DPP10: variants seen among roughly 807,000 people sequenced by gnomAD.
DPP10 encodes dipeptidyl peptidase like 10, also known as inactive dipeptidyl peptidase 10.
A neutral mutation model predicts 120.9 loss-of-function variants in DPP10; 33 were observed. The ratio of observed to expected loss-of-function variants is 0.27; its 90% confidence interval spans 0.21 to 0.37. The LOEUF is 0.37. DPP10 is among the 10% of genes least tolerant of loss of function. The pLI is 1.00. For synonymous variants in DPP10, 337 were observed against 326.1 expected (o/e 1.03, Z -0.36); for missense variants, 816 against 942.8 (o/e 0.87, Z 1.76).
intron 1 of DPP10, among the ~76,000 whole-genome samples, chr2:114,876,473 C>T (rs1691174036): frequency 6.6e-6 from 1 of 152,034 alleles, no homozygotes; most frequent in African/African-American, 2.4e-5. Context: ...GAACTCTGGC[C>T]CTGCCTTTTA....
intron 1 of DPP10, among the ~76,000 whole-genome samples, chr2:114,673,886 C>T (rs879149168): frequency 1.3e-5 from 2 of 151,984 alleles, no homozygotes; most frequent in Non-Finnish European, 1.5e-5. Context: ...TGTATTAATA[C>T]TGCAACTTAT....
At chr2:114,516,701 G>A (rs1684619127) in intron 1 of DPP10, among the ~76,000 whole-genome samples, 1 of 152,180 alleles carries the variant, frequency 6.6e-6, no homozygotes, top group African/African-American at 2.4e-5. Flanking sequence ...CATACCAAAT[G>A]CAGGCTTCTA....
chr2:115,141,492 G>A (rs2050925048), intron 1 of DPP10, among the ~76,000 whole-genome samples: 1 of 152,190 alleles, frequency 6.6e-6, no homozygotes, highest in Admixed American at 6.5e-5. Context: ...GGCAGGGATA[G>A]AGCATGGAAT....
At chr2:115,167,286 G>A (rs183125840) in intron 1 of DPP10, among the ~76,000 whole-genome samples, 1 of 151,706 alleles carries the variant, frequency 6.6e-6, no homozygotes, top group African/African-American at 2.4e-5. Flanking sequence ...TCTGGGCCTG[G>A]TGCAGTGGCT....
At chr2:115,020,545 T>A (rs1404878262) in intron 1 of DPP10, among the ~76,000 whole-genome samples, 1 of 152,066 alleles carries the variant, frequency 6.6e-6, no homozygotes, top group Non-Finnish European at 1.5e-5. Context: ...ATGAGATATA[T>A]GGCAACACAA....
intron 7 of DPP10, among the ~76,000 whole-genome samples, chr2:115,720,641 T>C (rs2092625115): frequency 6.6e-6 from 1 of 152,080 alleles, no homozygotes; most frequent in African/African-American, 2.4e-5. Flanking sequence ...AAATATAGCA[T>C]GTTGGAGGTT....
chr2:115,630,376 T>C (rs2149314412), intron 5 of DPP10, among the ~76,000 whole-genome samples: 1 of 152,260 alleles, frequency 6.6e-6, no homozygotes, highest in South Asian at 2.1e-4. Flanking sequence ...ACTTCCTCTC[T>C]TCCTACCTGA....
chr2:115,536,303 GA>G (rs1358567370), intron 5 of DPP10, among the ~76,000 whole-genome samples: 2 of 151,744 alleles, frequency 1.3e-5, no homozygotes, highest in African/African-American at 4.8e-5. Context: ...ATTCCACTAT[GA>G]ACATTGTTCC....
intron 3 of DPP10, among the ~76,000 whole-genome samples, chr2:115,408,245 A>C (rs1233942210): frequency 2.0e-5 from 3 of 152,096 alleles, no homozygotes; most frequent in Admixed American, 1.3e-4. Context: ...CAGGAACAGG[A>C]GAGGCCAGGC....
intron 1 of DPP10, among the ~76,000 whole-genome samples, chr2:114,798,398 A>G (rs1395373183): frequency 6.6e-6 from 1 of 152,236 alleles, no homozygotes. Flanking sequence ...AATCTAAAGT[A>G]ATCATACAAT....
intron 1 of DPP10, among the ~76,000 whole-genome samples, chr2:114,678,246 G>A (rs1459696531): frequency 6.6e-6 from 1 of 152,042 alleles, no homozygotes; most frequent in African/African-American, 2.4e-5. Flanking sequence ...ATGTCATTAA[G>A]TCTGTGTTTG....
chr2:115,448,251 G>C (rs569003963), intron 3 of DPP10, among the ~76,000 whole-genome samples: 1 of 152,126 alleles, frequency 6.6e-6, no homozygotes, highest in Non-Finnish European at 1.5e-5. Context: ...ACTCGGGATA[G>C]AGAAAGAAGC....
chr2:115,094,316 C>T (rs1246455904), intron 1 of DPP10, among the ~76,000 whole-genome samples: 2 of 152,104 alleles, frequency 1.3e-5, no homozygotes, highest in Admixed American at 1.3e-4. Flanking sequence ...GGATGTTACG[C>T]AGTTTCTAGT....
At chr2:115,570,161 C>G (rs927755444) in intron 5 of DPP10, among the ~76,000 whole-genome samples, 1 of 152,188 alleles carries the variant, frequency 6.6e-6, no homozygotes, top group African/African-American at 2.4e-5. Flanking sequence ...ACTCTTGTCT[C>G]TCATGCCTGC....
At chr2:115,046,035 T>C (rs368786938) in intron 1 of DPP10, among the ~76,000 whole-genome samples, 1 of 133,152 alleles carries the variant, frequency 7.5e-6, no homozygotes, top group Non-Finnish European at 1.7e-5. Context: ...TGTGTGTGTG[T>C]GTTGCTTAAT....
chr2:114,671,508 C>A (rs957709105), intron 1 of DPP10, among the ~76,000 whole-genome samples: 1 of 152,164 alleles, frequency 6.6e-6, no homozygotes, highest in East Asian at 1.9e-4. Context: ...GAACCATGAG[C>A]CAAATAAACC....
At chr2:114,533,801 A>G (rs953941214) in intron 1 of DPP10, among the ~76,000 whole-genome samples, 1 of 152,098 alleles carries the variant, frequency 6.6e-6, no homozygotes, top group Non-Finnish European at 1.5e-5. Flanking sequence ...TTTCAGGGTT[A>G]TTGTTGAGAA....
chr2:114,522,305 G>A (rs920456626), intron 1 of DPP10, among the ~76,000 whole-genome samples: 1 of 152,112 alleles, frequency 6.6e-6, no homozygotes, highest in Admixed American at 6.5e-5. Context: ...TTTATACCCA[G>A]TCAAGCTGTT....
chr2:115,175,439 G>A (rs1165474284), intron 1 of DPP10, among the ~76,000 whole-genome samples: 1 of 152,108 alleles, frequency 6.6e-6, no homozygotes, highest in Non-Finnish European at 1.5e-5. Context: ...CATATGAATG[G>A]GATTGGGAAC....
Sources: gnomAD v4.1 joint callset for allele counts (sites outside exome capture counted in the v4.1 genomes callset) on GRCh38, gnomAD v4.1.1 for gene constraint, MANE v1.5 for transcripts, NCBI Gene and HGNC (gene_info 2026-07-23, HGNC 2026-07-21) for gene names.